Variants in LVRN observed in about 807,000 individuals in gnomAD.
The protein encoded by LVRN is aminopeptidase Q.
Under a neutral mutation model 111.4 loss-of-function variants are expected in LVRN, and 99 were observed. The ratio of observed to expected loss-of-function variants is 0.89; its 90% confidence interval spans 0.76 to 1.05. The LOEUF (loss-of-function observed/expected upper bound fraction) is 1.05, where lower values mean the gene tolerates loss of function less well. Ranked by LOEUF, LVRN falls within the 50% of genes least tolerant of loss-of-function variation. The pLI is 0.00. For synonymous variants in LVRN, 488 were observed against 449.5 expected (o/e 1.09, Z -1.08); for missense variants, 1,414 against 1,206.8 (o/e 1.17, Z -2.54).
intron 1 of LVRN, among the ~76,000 whole-genome samples, chr5:115,965,158 G>A (rs1179912344): frequency 6.6e-6 from 1 of 152,204 alleles, no homozygotes. Context: ...ATACAGCCTG[G>A]ATAGTGGTAA....
intron 4 of LVRN, among the ~76,000 whole-genome samples, chr5:115,989,358 C>G (rs1037342024): frequency 6.6e-6 from 1 of 152,158 alleles, no homozygotes; most frequent in South Asian, 2.1e-4. Flanking sequence ...CCTCCAGGCT[C>G]TTACACATGC....
intron 1 of LVRN, among the ~76,000 whole-genome samples, chr5:115,965,927 T>C (rs554469285): frequency 2.9e-4 from 44 of 152,130 alleles, no homozygotes; most frequent in Non-Finnish European, 5.9e-4. Context: ...GCAGCATGAG[T>C]ACGGACTAAT....
chr5:116,016,446 G>A (rs2112636396), intron 18 of LVRN, among the ~76,000 whole-genome samples: 1 of 152,234 alleles, frequency 6.6e-6, no homozygotes, highest in African/African-American at 2.4e-5. Flanking sequence ...TATATTAATG[G>A]TGTGGAAAGT....
chr5:115,986,632 T>A lies in LVRN; in HGVS notation c.979-1181T>A, dbSNP rs185200626. ...TATATACTCTGCAGAGGAACAAAAA[T>A]GTACACTTGGAATAGAGTCCAGCCC... is the stretch of plus-strand genomic sequence containing the variant. On this transcript the variant is annotated intron_variant, in intron 3 of 19. Coordinates refer to ENST00000357872, the MANE Select transcript of LVRN (RefSeq NM_173800.5). 2.3e-3 allele frequency among the ~76,000 whole-genome samples: 353 copies of A among 152,286 alleles called. 1 individual carries two copies. The highest frequency in any genetic ancestry group is 7.9e-3 in the African/African-American group (330 of 41,562).
chr5:116,006,338 A>G (rs1748373517), intron 13 of LVRN, among the ~76,000 whole-genome samples: 1 of 152,192 alleles, frequency 6.6e-6, no homozygotes, highest in African/African-American at 2.4e-5. Context: ...TTAAATTTTC[A>G]GGCAATAAAA....
rs1344254450 is a variant in LVRN at position 116,005,924 on chromosome 5, A to G, written c.2050A>G (p.Ile684Val). 4 of 1,597,996 alleles carry G rather than the reference A, an allele frequency of 2.5e-6. No homozygotes were observed. Among genetic ancestry groups the G allele is most frequent in the Non-Finnish European group, 2.6e-6 (3 of 1,165,608 alleles). ...LEKDPKAIPV[I>V]HRLQLIDDAF... is the part of the protein sequence containing the mutation. ...TCTAATTCTGCAGGCGATTCCTGTT[A>G]TTCACAGACTGCAGTTGATTGATGA... The change falls in exon 13 of 20, where the codon ATT becomes GTT. Residue 684 changes from isoleucine to valine, a missense_variant. Coordinates refer to ENST00000357872, the MANE Select transcript of LVRN (RefSeq NM_173800.5).
chr5:115,987,630 A>C (rs142699310), intron 3 of LVRN, among the ~76,000 whole-genome samples, 183 bp from the exon 4 acceptor site: 130 of 152,292 alleles, frequency 8.5e-4, no homozygotes, highest in Middle Eastern at 3.4e-3. Flanking sequence ...ATCACTGTTC[A>C]TAACTTAGTG....
chr5:115,991,984 A>T (rs1748001638), intron 4 of LVRN, 139 bp from the exon 5 acceptor site: 1 of 731,510 alleles, frequency 1.4e-6, no homozygotes, highest in African/African-American at 1.8e-5. Context: ...ATTAGTCTTT[A>T]AAAAGCCTTC....
At chr5:115,994,692 A>G (rs1032839658) in intron 6 of LVRN, among the ~76,000 whole-genome samples, 8 of 152,228 alleles carry the variant, frequency 5.3e-5, no homozygotes, top group African/African-American at 1.9e-4. Context: ...GTAAATAATA[A>G]TATTGAAAGA....
chr5:116,012,915 C>T (rs1252831887), intron 15 of LVRN, among the ~76,000 whole-genome samples: 1 of 152,130 alleles, frequency 6.6e-6, no homozygotes, highest in Non-Finnish European at 1.5e-5. Context: ...AGATCAGTCA[C>T]TGCTATAGGT....
chr5:115,984,615 C>A lies in LVRN; in HGVS notation c.884C>A (p.Thr295Lys). 11 of 1,613,628 alleles carry A rather than the reference C, an allele frequency of 6.8e-6. No individual in the cohort carries two copies. The highest frequency in any genetic ancestry group is 9.3e-6 in the Non-Finnish European group (11 of 1,179,734). ...GTGAATGGAAGCAAATGGACTGTTA[C>A]AACCTTTTCCACTACGCCCCACATG... Reference protein sequence around the residue: ...EDVNGSKWTVTTFSTTPHMPT... With the variant: ...EDVNGSKWTVKTFSTTPHMPT... Residue 295 changes from threonine (T) to lysine (K), a missense_variant, in exon 3 of 20, where the codon ACA becomes AAA. Coordinates refer to ENST00000357872, the MANE Select transcript of LVRN (RefSeq NM_173800.5).
intron 12 of LVRN, among the ~76,000 whole-genome samples, chr5:116,004,984 G>C (rs1748328399): frequency 2.0e-5 from 3 of 151,988 alleles, no homozygotes. Context: ...ACATTTCTAA[G>C]GGCATTCTAA....
At chr5:115,975,505 C>G (rs1561554819) in intron 1 of LVRN, 2 of 165,400 alleles carry the variant, frequency 1.2e-5, no homozygotes, top group African/African-American at 2.4e-5. Context: ...CCTTTTTTCT[C>G]TGTGTGTTGG....
At chr5:115,966,324 C>T (rs187147105) in intron 1 of LVRN, among the ~76,000 whole-genome samples, 11 of 152,270 alleles carry the variant, frequency 7.2e-5, no homozygotes, top group South Asian at 2.1e-4. Flanking sequence ...ATCCTTTAGA[C>T]CTTTCTGACT....
intron 6 of LVRN, among the ~76,000 whole-genome samples, 171 bp from the exon 7 acceptor site, chr5:115,999,591 G>C (rs1181340752): frequency 6.6e-6 from 1 of 152,106 alleles, no homozygotes; most frequent in African/African-American, 2.4e-5. Flanking sequence ...TTATAGTTTT[G>C]TTATTCAAGG....
intron 13 of LVRN, among the ~76,000 whole-genome samples, chr5:116,006,703 C>T (rs1748382801): frequency 6.6e-6 from 1 of 152,150 alleles, no homozygotes; most frequent in Admixed American, 6.5e-5. Context: ...AACTCATTCA[C>T]TCTAGGGTTT....
intron 11 of LVRN, 45 bp downstream of exon 11, chr5:116,002,956 A>G (rs1748268346): frequency 1.4e-6 from 2 of 1,387,192 alleles, no homozygotes; most frequent in Admixed American, 2.0e-5. Context: ...ATGCATATGT[A>G]AAGGCAGGGA....
chr5:115,982,538 A>C lies in LVRN; in HGVS notation c.696-749A>C, dbSNP rs927813029. Among the ~76,000 whole-genome samples, 11 of 152,232 alleles carry C rather than the reference A, an allele frequency of 7.2e-5. No homozygotes were observed. The East Asian group carries it at 2.1e-3, about 29-fold the overall frequency. Reference sequence around the variant, plus strand: ...TTTTTTTGTTTTGTTTGTTTTGAGAAGAAAGTTGTTTGCTGGGACCTGTGC... The same window carrying C: ...TTTTTTTGTTTTGTTTGTTTTGAGACGAAAGTTGTTTGCTGGGACCTGTGC... On this transcript the variant is annotated intron_variant, in intron 1 of 19. Coordinates refer to ENST00000357872, the MANE Select transcript of LVRN (RefSeq NM_173800.5).
At position 115,992,270 on chromosome 5, in the gene LVRN, G is replaced by T. The variant is rs1748013956; in HGVS notation, c.1253G>T (p.Gly418Val). 8 of 1,613,708 alleles carry T rather than the reference G, an allele frequency of 5.0e-6. No individual in the cohort carries two copies. The highest frequency in any genetic ancestry group is 6.8e-6 in the Non-Finnish European group (8 of 1,179,832). The change falls in exon 5 of 20, where the codon GGA becomes GTA. Residue 418 changes from glycine to valine, a missense_variant. Physicochemically the swap from Gly to Val is moderately radical, Grantham distance 109. Transcript: ENST00000357872. Reference sequence around the variant, plus strand: ...TCCTATGTTGTCTCCCACGAGATTGGACACCAGGCATGTGGTAAAATGTTC... The same window carrying T: ...TCCTATGTTGTCTCCCACGAGATTGTACACCAGGCATGTGGTAAAATGTTC... ...LISYVVSHEI[G>V]HQWFGNLVTM...
Sources: allele counts gnomAD v4.1 joint callset (sites outside exome capture counted in the v4.1 genomes callset), GRCh38; gene constraint gnomAD v4.1.1; transcripts MANE v1.5; gene names NCBI Gene and HGNC (gene_info 2026-07-23, HGNC 2026-07-21).